CNTN5: variants seen among roughly 807,000 people sequenced by gnomAD.
The protein encoded by CNTN5 is contactin-5.
CNTN5 carries 77 observed loss-of-function variants against 129.1 expected under a neutral mutation model. The observed-to-expected ratio is 0.60, with a 90% CI of 0.50 to 0.72. The LOEUF (loss-of-function observed/expected upper bound fraction) is 0.72, where lower values mean the gene tolerates loss of function less well. Ranked by LOEUF, CNTN5 falls within the 30% of genes least tolerant of loss-of-function variation. CNTN5 has a pLI of 0.00. For missense variants in CNTN5, 1,478 were observed against 1,328.8 expected (o/e 1.11, Z -1.75); for synonymous variants, 509 against 465.6 (o/e 1.09, Z -1.20).
At chr11:99,657,562 A>T (rs1462543013) in intron 3 of CNTN5, among the ~76,000 whole-genome samples, 2 of 152,164 alleles carry the variant, frequency 1.3e-5, no homozygotes, top group South Asian at 4.1e-4. Context: ...TATTTAAAAA[A>T]ATATTTTAAA....
intron 21 of CNTN5, among the ~76,000 whole-genome samples, chr11:100,312,323 A>G (rs1411347003): frequency 1.3e-5 from 2 of 152,030 alleles, no homozygotes; most frequent in East Asian, 1.9e-4. Context: ...TAAATATGAT[A>G]TAGGTGAAGC....
rs549061169 is a variant in CNTN5 at position 99,269,663 on chromosome 11, A to AT, written c.-209-55677dup. ...TGTTGACCAAACTTCCACTGGACAC[A>AT]TTTTTTCAATCTAGGAGTCTACACA... On this transcript the variant is annotated intron_variant, in intron 1 of 24. Transcript: ENST00000524871. 1.3e-3 allele frequency among the ~76,000 whole-genome samples: 192 copies of AT among 151,360 alleles called. 1 individual carries two copies. The highest frequency in any genetic ancestry group is 2.3e-3 in the South Asian group (11 of 4,816).
At chr11:99,500,934 C>G (rs567564734) in intron 2 of CNTN5, among the ~76,000 whole-genome samples, 1 of 152,098 alleles carries the variant, frequency 6.6e-6, no homozygotes, top group African/African-American at 2.4e-5. Flanking sequence ...TTTTTTCTTA[C>G]CTGTAATCTG....
intron 7 of CNTN5, among the ~76,000 whole-genome samples, chr11:99,938,311 T>C (rs1396419770): frequency 1.3e-5 from 2 of 152,074 alleles, no homozygotes; most frequent in Admixed American, 6.5e-5. Context: ...TTCGTTTCAA[T>C]AGAATAAAAT....
intron 2 of CNTN5, among the ~76,000 whole-genome samples, chr11:99,371,575 A>T (rs535504669): frequency 6.6e-6 from 1 of 152,304 alleles, no homozygotes; most frequent in South Asian, 2.1e-4. Flanking sequence ...CTAAAATAGA[A>T]TTAAACGTAT....
intron 3 of CNTN5, among the ~76,000 whole-genome samples, chr11:99,724,915 G>A (rs184750438): frequency 1.7e-4 from 26 of 152,278 alleles, no homozygotes; most frequent in African/African-American, 5.5e-4. Context: ...CTAATTGTAT[G>A]ATATCAAAAC....
At chr11:99,097,817 T>C (rs1214498273) in intron 1 of CNTN5, among the ~76,000 whole-genome samples, 2 of 151,952 alleles carry the variant, frequency 1.3e-5, no homozygotes, top group Admixed American at 1.3e-4. Flanking sequence ...TTAAGTTAGG[T>C]GATGTCTTTC....
chr11:99,749,316 A>G (rs753156813), intron 3 of CNTN5, among the ~76,000 whole-genome samples: 4 of 152,236 alleles, frequency 2.6e-5, no homozygotes, highest in South Asian at 2.1e-4. Context: ...TAAAAAACAC[A>G]GTAAGAAACA....
chr11:99,403,983 GTCTATC>G (rs1434239829), intron 2 of CNTN5, among the ~76,000 whole-genome samples: 1 of 152,092 alleles, frequency 6.6e-6, no homozygotes, highest in East Asian at 1.9e-4. Context: ...TTGTATTGGA[GTCTATC>G]TCTGTATTTA....
intron 21 of CNTN5, among the ~76,000 whole-genome samples, chr11:100,312,982 G>C (rs969545262): frequency 6.6e-6 from 1 of 151,974 alleles, no homozygotes; most frequent in Non-Finnish European, 1.5e-5. Flanking sequence ...GAGGGTCAAA[G>C]GTATAGCAAA....
intron 8 of CNTN5, among the ~76,000 whole-genome samples, chr11:99,986,647 G>A (rs1938696160): frequency 6.6e-6 from 1 of 152,092 alleles, no homozygotes; most frequent in Admixed American, 6.6e-5. Flanking sequence ...TGATTTCATA[G>A]CTCCCTCCAA....
intron 1 of CNTN5, among the ~76,000 whole-genome samples, chr11:99,278,229 T>A (rs1179155821): frequency 6.6e-6 from 1 of 151,642 alleles, no homozygotes; most frequent in Admixed American, 6.6e-5. Context: ...ATTATGTGCT[T>A]ACTATGTGCT....
intron 1 of CNTN5, among the ~76,000 whole-genome samples, chr11:99,163,887 T>C (rs1313029871): frequency 6.6e-6 from 1 of 152,212 alleles, no homozygotes; most frequent in Non-Finnish European, 1.5e-5. Context: ...TATTTGGAGG[T>C]GAAAACAATG....
intron 6 of CNTN5, among the ~76,000 whole-genome samples, chr11:99,910,969 C>T (rs1441836093): frequency 6.6e-6 from 1 of 151,960 alleles, no homozygotes; most frequent in Non-Finnish European, 1.5e-5. Context: ...CAGCAAATAC[C>T]AAGTCAGTAT....
chr11:99,909,525 A>C (rs903753413), intron 6 of CNTN5, among the ~76,000 whole-genome samples: 2 of 152,058 alleles, frequency 1.3e-5, no homozygotes, highest in Admixed American at 1.3e-4. Flanking sequence ...ATGTTTATTG[A>C]GGCACTATTC....
At chr11:99,991,198 TG>T (rs1273006144) in intron 8 of CNTN5, among the ~76,000 whole-genome samples, 1 of 152,178 alleles carries the variant, frequency 6.6e-6, no homozygotes, top group Non-Finnish European at 1.5e-5. Context: ...CCAGGCGTGG[TG>T]GCTCACGCCT....
chr11:99,955,134 T>TA (rs974000689), intron 7 of CNTN5, among the ~76,000 whole-genome samples: 2 of 151,094 alleles, frequency 1.3e-5, no homozygotes, highest in African/African-American at 4.8e-5. Flanking sequence ...AGTAAAATAA[T>TA]AAAAAAATTT....
At chr11:99,912,705 A>T (rs1437561270) in intron 6 of CNTN5, among the ~76,000 whole-genome samples, 1 of 150,572 alleles carries the variant, frequency 6.6e-6, no homozygotes, top group African/African-American at 2.4e-5. Context: ...TCCAAGCTAC[A>T]GTTCTAGTTA....
rs550554359 is a variant in CNTN5, at chr11:99,381,463, A to G, written c.-71+55979A>G. 3.3e-5 allele frequency among the ~76,000 whole-genome samples: 5 copies of G among 152,316 alleles called. No individual in the cohort carries two copies. The South Asian group carries it at 1.0e-3, about 32-fold the overall frequency. On this transcript the variant is annotated intron_variant, in intron 2 of 24. Transcript: ENST00000524871. ...TTAATGCAATTGGCATTGAACTTGA[A>G]AAGGACAAAGAAATGGCTGTATGCA... is the stretch of plus-strand genomic sequence containing the variant.
Sources: gnomAD v4.1 joint callset for allele counts (sites outside exome capture counted in the v4.1 genomes callset) on GRCh38, gnomAD v4.1.1 for gene constraint, MANE v1.5 for transcripts, NCBI Gene and HGNC (gene_info 2026-07-23, HGNC 2026-07-21) for gene names.